The following ARB2A variants were observed in gnomAD, a reference collection of about 807,000 sequenced individuals.
ARB2A encodes the protein ARB2 cotranscriptional regulator A, also known as cotranscriptional regulator ARB2A.
At chr5:94,054,864 T>C in the ARB2A span, among the ~76,000 whole-genome samples, 8 of 152,236 alleles carry the variant, frequency 5.3e-5, no homozygotes, top group African/African-American at 1.7e-4. Context: ...AATCCAATAC[T>C]ACATCATTCA....
At chr5:93,794,031 G>A in the ARB2A span, among the ~76,000 whole-genome samples, 10 of 152,266 alleles carry the variant, frequency 6.6e-5, no homozygotes, top group South Asian at 2.1e-4. Context: ...AAGGGCTGAG[G>A]CAGTTAAGTC....
At chr5:94,040,065 G>C in the ARB2A span, among the ~76,000 whole-genome samples, 1 of 152,140 alleles carries the variant, frequency 6.6e-6, no homozygotes, top group African/African-American at 2.4e-5. Context: ...CTTTGGGTTA[G>C]AGGCCCAAAA....
chr5:94,003,889 A>G, the ARB2A span, among the ~76,000 whole-genome samples: 1 of 152,148 alleles, frequency 6.6e-6, no homozygotes, highest in African/African-American at 2.4e-5. Flanking sequence ...AGAATAAAGC[A>G]ATTATGAAAA....
chr5:93,653,547 A>AAAAAAAAAAAAAC, the ARB2A span, among the ~76,000 whole-genome samples: 1 of 132,164 alleles, frequency 7.6e-6, no homozygotes, highest in Admixed American at 7.8e-5. Flanking sequence ...AAAAAAAAAA[A>AAAAAAAAAAAAAC]AAAAAAAAAG....
chr5:93,683,752 C>A, the ARB2A span: 22 of 1,587,566 alleles, frequency 1.4e-5, no homozygotes, highest in East Asian at 4.3e-4. Context: ...GGAGAGAAGG[C>A]GGACGGAGAT....
chr5:94,003,978 T>A, the ARB2A span, among the ~76,000 whole-genome samples: 1 of 152,338 alleles, frequency 6.6e-6, no homozygotes, highest in South Asian at 2.1e-4. Context: ...GTGGTACTGG[T>A]AGAATGACAG....
At chr5:93,684,517 A>G in the ARB2A span, among the ~76,000 whole-genome samples, 378 of 152,298 alleles carry the variant, frequency 2.5e-3, 14 homozygotes, top group East Asian at 0.054. Flanking sequence ...AAAATTTGTT[A>G]AATAGAGAAA....
At chr5:93,633,524 C>T in the ARB2A span, among the ~76,000 whole-genome samples, 3 of 152,132 alleles carry the variant, frequency 2.0e-5, no homozygotes, top group Non-Finnish European at 4.4e-5. Context: ...ATAAGTATCC[C>T]CTATCCTGTC....
chr5:94,093,011 T>C, the ARB2A span, among the ~76,000 whole-genome samples: 1 of 152,186 alleles, frequency 6.6e-6, no homozygotes, highest in Non-Finnish European at 1.5e-5. Context: ...TATTGCATCT[T>C]CTTAAAACAT....
At chr5:94,009,499 T>C in the ARB2A span, among the ~76,000 whole-genome samples, 6 of 152,030 alleles carry the variant, frequency 3.9e-5, no homozygotes, top group African/African-American at 1.2e-4. Context: ...AGGATGAATC[T>C]TACCTTACAT....
chr5:94,081,615 G>A, the ARB2A span, among the ~76,000 whole-genome samples: 3 of 152,058 alleles, frequency 2.0e-5, no homozygotes, highest in South Asian at 2.1e-4. Context: ...CATATTGTAC[G>A]ATTCCATTTA....
the ARB2A span, among the ~76,000 whole-genome samples, chr5:94,074,195 A>C: frequency 4.6e-5 from 7 of 152,130 alleles, no homozygotes; most frequent in African/African-American, 1.7e-4. Flanking sequence ...TCAAATTTCC[A>C]TAACAATGTC....
chr5:93,972,075 G>C, the ARB2A span, among the ~76,000 whole-genome samples: 1 of 152,212 alleles, frequency 6.6e-6, no homozygotes, highest in South Asian at 2.1e-4. Flanking sequence ...TTCCCACCAG[G>C]ATTTATGAGC....
chr5:93,829,869 T>C, the ARB2A span, among the ~76,000 whole-genome samples: 1 of 152,160 alleles, frequency 6.6e-6, no homozygotes, highest in Admixed American at 6.5e-5. Context: ...GGGAATGAAG[T>C]TGTGACTAAG....
At chr5:93,661,252 C>T in the ARB2A span, among the ~76,000 whole-genome samples, 17 of 152,182 alleles carry the variant, frequency 1.1e-4, no homozygotes, top group African/African-American at 3.9e-4. Flanking sequence ...GCATATACAG[C>T]GGGTAGTCTG....
At chr5:93,647,484 C>G in the ARB2A span, among the ~76,000 whole-genome samples, 491 of 151,016 alleles carry the variant, frequency 3.3e-3, no homozygotes, top group Middle Eastern at 7.2e-3. Flanking sequence ...CCTCGGCCTC[C>G]CGAAGTGCTG....
the ARB2A span, among the ~76,000 whole-genome samples, chr5:93,745,960 A>G: frequency 6.6e-6 from 1 of 152,138 alleles, no homozygotes; most frequent in African/African-American, 2.4e-5. Flanking sequence ...TACTGGGAAC[A>G]CCCTCTCTGG....
chr5:93,801,595 C>T, the ARB2A span, among the ~76,000 whole-genome samples: 27 of 152,174 alleles, frequency 1.8e-4, no homozygotes, highest in Non-Finnish European at 3.4e-4. Context: ...TTAGACTTTA[C>T]ATGTATATAA....
At chr5:93,992,523 T>A in the ARB2A span, among the ~76,000 whole-genome samples, 1 of 151,986 alleles carries the variant, frequency 6.6e-6, no homozygotes, top group African/African-American at 2.4e-5. Context: ...TCAATTAGAT[T>A]TATCACTTTT....
Sources: allele counts gnomAD v4.1 joint callset (sites outside exome capture counted in the v4.1 genomes callset), GRCh38; gene constraint gnomAD v4.1.1; transcripts MANE v1.5; gene names NCBI Gene and HGNC (gene_info 2026-07-23, HGNC 2026-07-21).